ARID1B: variants seen among roughly 807,000 people sequenced by gnomAD.
The protein encoded by ARID1B is AT-rich interaction domain 1B, also known as AT-rich interactive domain-containing protein 1B.
In ARID1B, 30 loss-of-function variants were observed where a neutral mutation model predicts 212.3. The ratio of observed to expected loss-of-function variants is 0.14; its 90% CI spans 0.11 to 0.19. The LOEUF is 0.19. ARID1B is among the 10% of genes least tolerant of loss of function. ARID1B has a pLI of 1.00. For missense variants in ARID1B, 2,891 were observed against 3,204.0 expected, an observed-to-expected ratio of 0.90 and a Z score of 2.36; for synonymous variants, 1,402 against 1,301.7, an observed-to-expected ratio of 1.08 and a Z score of -1.66.
chr6:157,190,090 T>G lies in ARID1B; in HGVS notation c.4111T>G (p.Phe1371Val). The G allele has an allele frequency of 6.2e-7, 1 of 1,614,252 alleles. No individual in the cohort carries two copies. The highest frequency in any genetic ancestry group is 8.5e-7 in the Non-Finnish European group (1 of 1,180,046). Reference sequence around the variant, plus strand: ...ATTCTCAGATGTGAGTGATTCATCCTTCCCGAAACGGAACTCCATGACTCC... The same window carrying G: ...ATTCTCAGATGTGAGTGATTCATCCGTCCCGAAACGGAACTCCATGACTCC... The part of the protein sequence containing the change: ...DPFSDVSDSS[F>V]PKRNSMTPNA... Residue 1371 changes from phenylalanine (F) to valine (V), a missense_variant, in exon 15 of 20, where the codon TTC (phenylalanine) becomes GTC (valine). Coordinates refer to ENST00000636930, the MANE Select transcript of ARID1B (RefSeq NM_001374828.1). This position sits in a 1 kb window ranked among gnomAD's most constrained non-coding sequence, Gnocchi z 4.6.
chr6:156,793,461 G>A (rs893600725), intron 1 of ARID1B, among the ~76,000 whole-genome samples: 4 of 152,128 alleles, frequency 2.6e-5, no homozygotes, highest in African/African-American at 9.7e-5. Context: ...TCAGCCTCGT[G>A]AGTATCTGGG....
chr6:156,786,388 C>G (rs1205040776), intron 1 of ARID1B, among the ~76,000 whole-genome samples: 2 of 152,016 alleles, frequency 1.3e-5, no homozygotes, highest in Admixed American at 1.3e-4. Context: ...GGAAAAATTA[C>G]TAAATTAAGA....
intron 1 of ARID1B, among the ~76,000 whole-genome samples, chr6:156,816,482 A>G (rs1232909266): frequency 6.6e-6 from 1 of 152,230 alleles, no homozygotes; most frequent in Non-Finnish European, 1.5e-5. Flanking sequence ...GAAAAAACAT[A>G]TCTGGCCTTA....
At chr6:156,864,893 T>C (rs929524500) in intron 2 of ARID1B, among the ~76,000 whole-genome samples, 8 of 152,184 alleles carry the variant, frequency 5.3e-5, no homozygotes, top group Admixed American at 4.6e-4. Flanking sequence ...CATAAACTGT[T>C]GTTTTCCTTT....
intron 4 of ARID1B, among the ~76,000 whole-genome samples, chr6:157,021,238 A>T (rs1022667516): frequency 6.6e-6 from 1 of 152,146 alleles, no homozygotes; most frequent in Non-Finnish European, 1.5e-5. Flanking sequence ...CTTTTGTTTT[A>T]TTCAAGCCCC....
chr6:157,117,710 T>C (rs1157489126), intron 6 of ARID1B, among the ~76,000 whole-genome samples: 1 of 152,214 alleles, frequency 6.6e-6, no homozygotes. Context: ...ACAACCGAAC[T>C]AGAAAATCTT....
chr6:157,068,127 C>G (rs1783794906), intron 4 of ARID1B, among the ~76,000 whole-genome samples: 1 of 152,264 alleles, frequency 6.6e-6, no homozygotes, highest in African/African-American at 2.4e-5. Context: ...TCTTATCTTT[C>G]ACTCGTGTGA....
At chr6:156,813,065 T>C (rs539835126) in intron 1 of ARID1B, among the ~76,000 whole-genome samples, 4 of 145,344 alleles carry the variant, frequency 2.8e-5, no homozygotes, top group Admixed American at 2.1e-4. Flanking sequence ...TATATACATA[T>C]ATATATACAC....
intron 2 of ARID1B, among the ~76,000 whole-genome samples, chr6:156,891,892 G>C (rs747264686): frequency 1.3e-4 from 17 of 134,314 alleles, no homozygotes; most frequent in Non-Finnish European, 2.6e-4. Flanking sequence ...TTTTTTTTGA[G>C]ACGGAGTCTC....
chr6:157,079,743 AT>A (rs1784520984), intron 4 of ARID1B, among the ~76,000 whole-genome samples: 1 of 152,218 alleles, frequency 6.6e-6, no homozygotes, highest in Non-Finnish European at 1.5e-5. Context: ...TGTAGAGCTT[AT>A]AAATTTAGTG....
chr6:156,796,587 A>C (rs962132356), intron 1 of ARID1B, among the ~76,000 whole-genome samples: 1 of 152,254 alleles, frequency 6.6e-6, no homozygotes, highest in Non-Finnish European at 1.5e-5. Flanking sequence ...TAAGATTTTC[A>C]GCAATGAGAA....
chr6:157,210,686 C>T lies in ARID1B; in HGVS notation c.*2795C>T, dbSNP rs1187248355. 1.3e-5 allele frequency: 3 copies of T among 226,896 alleles called. No homozygotes were observed. The highest frequency in any genetic ancestry group is 2.6e-5 in the Non-Finnish European group (3 of 116,444). The allele number at this position is 226,896 out of a possible 1,614,324, so 14.1% of individuals were successfully genotyped here. The stretch of plus-strand genomic sequence containing the variant: ...AGGCTTTTCAGAAATTTACAGGATG[C>T]CCAGACTTTACATGTGTACCAAAAA... On this transcript the variant is annotated 3_prime_UTR_variant, in exon 20 of 20. Transcript: ENST00000636930.
intron 3 of ARID1B, among the ~76,000 whole-genome samples, chr6:156,907,762 G>A (rs1226578631): frequency 1.3e-5 from 2 of 149,906 alleles, no homozygotes; most frequent in Non-Finnish European, 3.0e-5. Flanking sequence ...AAAAAAATTA[G>A]CCAGGCATGT....
chr6:156,790,449 C>G (rs1008560963), intron 1 of ARID1B, among the ~76,000 whole-genome samples: 2 of 152,120 alleles, frequency 1.3e-5, no homozygotes, highest in African/African-American at 4.8e-5. Context: ...ATTAGAAATA[C>G]AGACAATAAC....
chr6:156,926,041 T>C (rs779513107), intron 3 of ARID1B, among the ~76,000 whole-genome samples: 1 of 152,174 alleles, frequency 6.6e-6, no homozygotes, highest in Non-Finnish European at 1.5e-5. Context: ...TTGTCTGAAC[T>C]CAAAGATTCA....
intron 5 of ARID1B, among the ~76,000 whole-genome samples, chr6:157,093,652 A>G (rs888469269): frequency 6.6e-6 from 1 of 152,236 alleles, no homozygotes; most frequent in Non-Finnish European, 1.5e-5. Flanking sequence ...AGAAAGTGAC[A>G]TGGGAGTTTG....
intron 2 of ARID1B, among the ~76,000 whole-genome samples, chr6:156,858,475 A>T (rs963577843): frequency 6.6e-6 from 1 of 152,208 alleles, no homozygotes; most frequent in Non-Finnish European, 1.5e-5. Flanking sequence ...GTATCAAAAG[A>T]TCACAAGAGG....
chr6:157,161,431 G>GTGTGTGTGTATATATATATATA (rs540423195), intron 8 of ARID1B, among the ~76,000 whole-genome samples: 1 of 139,380 alleles, frequency 7.2e-6, no homozygotes, highest in African/African-American at 2.8e-5. Context: ...TTGTGTGTGT[G>GTGTGTGTGTATATATATATATA]TATATATATA....
At chr6:157,193,341 T>C (rs1217948502) in intron 15 of ARID1B, 5 of 152,246 alleles carry the variant, frequency 3.3e-5, no homozygotes, top group Admixed American at 6.5e-5. Flanking sequence ...AGAAGTAGAA[T>C]TGTTGAATCA....
Sources: gnomAD v4.1 joint callset for allele counts (sites outside exome capture counted in the v4.1 genomes callset) on GRCh38, gnomAD v4.1.1 for gene constraint, Gnocchi (gnomAD v3.1) non-coding constraint, MANE v1.5 for transcripts, NCBI Gene and HGNC (gene_info 2026-07-23, HGNC 2026-07-21) for gene names.